The following RANBP2 variants were observed in gnomAD, a reference collection of about 807,000 sequenced individuals.
RANBP2 encodes the protein RAN binding protein 2, also known as E3 SUMO-protein ligase RanBP2.
A neutral mutation model predicts 303.6 loss-of-function variants in RANBP2; 57 were observed. The ratio of observed to expected loss-of-function variants is 0.19; its 90% CI spans 0.15 to 0.23. The LOEUF is 0.23. RANBP2 is among the 10% of genes least tolerant of loss of function. RANBP2 has a pLI of 1.00. For missense variants in RANBP2, 3,138 were observed against 3,780.8 expected (o/e 0.83, Z 4.46); for synonymous variants, 1,167 against 1,301.5 (o/e 0.90, Z 2.23).
chr2:109,181,611 C>T, the RANBP2 span, among the ~76,000 whole-genome samples: 2 of 152,170 alleles, frequency 1.3e-5, no homozygotes, highest in African/African-American at 4.8e-5. Context: ...TTTACCTTCC[C>T]CTCCAGCATA....
At chr2:109,736,068 CT>C in the RANBP2 span, among the ~76,000 whole-genome samples, 88 of 152,312 alleles carry the variant, frequency 5.8e-4, 3 homozygotes, top group South Asian at 0.018. Flanking sequence ...CAGGCAAGTT[CT>C]TTTAAAAACA....
the RANBP2 span, among the ~76,000 whole-genome samples, chr2:109,159,156 C>T: frequency 1.3e-5 from 2 of 152,164 alleles, no homozygotes; most frequent in Non-Finnish European, 2.9e-5. Context: ...ACAGTGTTCA[C>T]CCATGAGAAG....
the RANBP2 span, among the ~76,000 whole-genome samples, chr2:109,205,866 C>T: frequency 2.6e-5 from 4 of 152,280 alleles, no homozygotes; most frequent in Middle Eastern, 3.4e-3. Flanking sequence ...TTCTCCTTTC[C>T]GCTTCCTGTT....
the RANBP2 span, among the ~76,000 whole-genome samples, chr2:109,443,343 C>G: frequency 6.6e-5 from 10 of 152,302 alleles, no homozygotes; most frequent in Admixed American, 2.6e-4. Flanking sequence ...TGTGTTGCCC[C>G]CTATCGGCTC....
At chr2:109,425,422 A>G in the RANBP2 span, among the ~76,000 whole-genome samples, 1 of 152,260 alleles carries the variant, frequency 6.6e-6, no homozygotes, top group East Asian at 1.9e-4. Context: ...CAATGATGCC[A>G]TCTAGGACTT....
chr2:109,087,777 T>TG, the RANBP2 span, among the ~76,000 whole-genome samples: 10 of 152,002 alleles, frequency 6.6e-5, no homozygotes, highest in African/African-American at 2.4e-4. Context: ...ATGCTGCAGG[T>TG]GGGGCCCTGG....
chr2:109,550,185 G>A, the RANBP2 span, among the ~76,000 whole-genome samples: 2 of 151,854 alleles, frequency 1.3e-5, no homozygotes, highest in Admixed American at 6.6e-5. Flanking sequence ...AGCTACTCGG[G>A]AGGCTGAGGC....
chr2:109,622,586 T>C, the RANBP2 span, among the ~76,000 whole-genome samples: 2 of 152,214 alleles, frequency 1.3e-5, no homozygotes, highest in African/African-American at 4.8e-5. Flanking sequence ...GGAAAGAATA[T>C]TTCTTCAGCT....
At chr2:109,213,066 G>T in the RANBP2 span, among the ~76,000 whole-genome samples, 2 of 152,210 alleles carry the variant, frequency 1.3e-5, no homozygotes, top group African/African-American at 4.8e-5. Context: ...TCCTGGGAAG[G>T]CTCGGAGGAA....
chr2:109,292,787 C>A, the RANBP2 span, among the ~76,000 whole-genome samples: 3 of 152,270 alleles, frequency 2.0e-5, no homozygotes, highest in Non-Finnish European at 4.4e-5. Flanking sequence ...GGCTGGAGTG[C>A]AGTGGCATGA....
chr2:109,324,201 C>T, the RANBP2 span, among the ~76,000 whole-genome samples: 1 of 152,170 alleles, frequency 6.6e-6, no homozygotes, highest in Non-Finnish European at 1.5e-5. Flanking sequence ...TTGCTTATAC[C>T]ATTAATCAGT....
the RANBP2 span, among the ~76,000 whole-genome samples, chr2:108,937,773 A>ATG: frequency 6.6e-6 from 1 of 152,060 alleles, no homozygotes; most frequent in African/African-American, 2.4e-5. Flanking sequence ...GTGTGAATGT[A>ATG]TGTGTGTGTA....
chr2:108,756,401 G>A (rs1676318983), intron 17 of RANBP2, among the ~76,000 whole-genome samples: 1 of 151,692 alleles, frequency 6.6e-6, no homozygotes, highest in African/African-American at 2.4e-5. Context: ...GGAAATAAAA[G>A]TAGGTTCTTT....
chr2:109,093,415 A>AG, the RANBP2 span, among the ~76,000 whole-genome samples: 14 of 151,402 alleles, frequency 9.2e-5, no homozygotes. Flanking sequence ...GTAAAAAAAA[A>AG]AAAAAAAAAA....
the RANBP2 span, chr2:109,544,407 T>C: frequency 3.3e-6 from 5 of 1,502,734 alleles, no homozygotes; most frequent in South Asian, 1.4e-5. Context: ...TAGTATATTA[T>C]AGGATATCTG....
chr2:109,508,250 C>G, the RANBP2 span, among the ~76,000 whole-genome samples: 1 of 152,186 alleles, frequency 6.6e-6, no homozygotes, highest in African/African-American at 2.4e-5. Context: ...CCTGACTCAG[C>G]CATTTTGGAC....
the RANBP2 span, among the ~76,000 whole-genome samples, chr2:109,222,030 A>G: frequency 2.6e-4 from 40 of 152,330 alleles, no homozygotes; most frequent in African/African-American, 9.4e-4. Flanking sequence ...AAAGAATGAA[A>G]TCATGTCATT....
chr2:109,561,906 G>A, the RANBP2 span, among the ~76,000 whole-genome samples: 1,563 of 152,108 alleles, frequency 0.01, 13 homozygotes, highest in Non-Finnish European at 0.017. Flanking sequence ...CATCACTTCA[G>A]GAGCCCAAGG....
the RANBP2 span, among the ~76,000 whole-genome samples, chr2:109,017,555 G>C: frequency 9.9e-4 from 151 of 152,360 alleles, 6 homozygotes; most frequent in Middle Eastern, 0.024. Flanking sequence ...AGCCTTGTTT[G>C]AAATGCAGGA....
Sources: allele counts gnomAD v4.1 joint callset (sites outside exome capture counted in the v4.1 genomes callset), GRCh38; gene constraint gnomAD v4.1.1; transcripts MANE v1.5; gene names NCBI Gene and HGNC (gene_info 2026-07-23, HGNC 2026-07-21).